Variants in ARHGEF3 observed in about 807,000 individuals in gnomAD.
The protein encoded by ARHGEF3 is Rho guanine nucleotide exchange factor 3, also known as 59.8 kDA protein.
ARHGEF3 carries 28 observed loss-of-function variants against 63.2 expected under a neutral mutation model. That is an observed-to-expected ratio of 0.44 (90% CI 0.33 to 0.61). The LOEUF (loss-of-function observed/expected upper bound fraction) is 0.61, where lower values mean the gene tolerates loss of function less well. ARHGEF3 is among the 20% of genes least tolerant of loss of function. ARHGEF3 has a pLI of 0.03. For synonymous variants in ARHGEF3, 266 were observed against 254.2 expected (o/e 1.05, Z -0.44); for missense variants, 533 against 659.3 (o/e 0.81, Z 2.10).
chr3:57,054,202 A>T (rs1579176066), intron 1 of ARHGEF3, among the ~76,000 whole-genome samples: 2 of 152,204 alleles, frequency 1.3e-5, no homozygotes, highest in East Asian at 3.9e-4. Flanking sequence ...TGGTGGGTAT[A>T]TAGTAGTATC....
intron 1 of ARHGEF3, among the ~76,000 whole-genome samples, chr3:56,779,737 CTT>C (rs1482093387): frequency 6.6e-6 from 1 of 152,234 alleles, no homozygotes; most frequent in Non-Finnish European, 1.5e-5. Flanking sequence ...GATTTTCCCT[CTT>C]GTGTTAATGT....
At chr3:56,890,947 C>T (rs1347777847) in intron 3 of ARHGEF3, among the ~76,000 whole-genome samples, 2 of 152,186 alleles carry the variant, frequency 1.3e-5, no homozygotes, top group South Asian at 2.1e-4. Context: ...TCTTTGCTGG[C>T]AAACAACTTT....
intron 4 of ARHGEF3, among the ~76,000 whole-genome samples, chr3:56,855,534 T>C (rs1172287704): frequency 6.6e-6 from 1 of 151,920 alleles, no homozygotes; most frequent in Non-Finnish European, 1.5e-5. Context: ...AATACAAAAA[T>C]TAGCTGGGCG....
At chr3:56,882,514 T>C (rs1372304845) in intron 3 of ARHGEF3, among the ~76,000 whole-genome samples, 1 of 139,214 alleles carries the variant, frequency 7.2e-6, no homozygotes, top group South Asian at 2.5e-4. Context: ...ACTTCTTTTT[T>C]TTTTTTTTTT....
intron 1 of ARHGEF3, among the ~76,000 whole-genome samples, chr3:56,792,399 C>A (rs1403060978): frequency 6.6e-6 from 1 of 152,138 alleles, no homozygotes; most frequent in African/African-American, 2.4e-5. Context: ...GTCACTGACC[C>A]CTGTGCCAGA....
At position 56,751,422 on chromosome 3, in the gene ARHGEF3, A is replaced by C. The variant is rs1417471770; in HGVS notation, c.439-26T>G. 1.9e-6 allele frequency: 3 copies of C among 1,576,958 alleles called. No homozygotes were observed. In the East Asian group the frequency reaches 6.7e-5, roughly 35 times the overall value. On this transcript the variant is annotated intron_variant, in intron 4 of 9. Transcript: ENST00000296315. ...CTGCACAAAAACGGCAAGAGATGGA[A>C]GCACATGTTTAAAATCAGAGGAAGT...
intron 2 of ARHGEF3, among the ~76,000 whole-genome samples, chr3:56,767,895 C>T (rs1416169493): frequency 6.6e-6 from 1 of 151,808 alleles, no homozygotes; most frequent in East Asian, 2.0e-4. Context: ...AACAGGTATG[C>T]ACCACTACGC....
intron 4 of ARHGEF3, among the ~76,000 whole-genome samples, chr3:56,861,998 C>T (rs987062080): frequency 1.3e-5 from 2 of 151,886 alleles, no homozygotes; most frequent in African/African-American, 4.8e-5. Context: ...CAACAGGATG[C>T]ACTAAAATAA....
At chr3:56,817,798 C>T (rs1461626340) in intron 4 of ARHGEF3, among the ~76,000 whole-genome samples, 6 of 152,174 alleles carry the variant, frequency 3.9e-5, no homozygotes, top group African/African-American at 1.4e-4. Flanking sequence ...ATGGTCTTAA[C>T]CACAAAGCTA....
chr3:57,056,059 A>C (rs761580298), intron 1 of ARHGEF3, among the ~76,000 whole-genome samples: 1 of 152,140 alleles, frequency 6.6e-6, no homozygotes, highest in Non-Finnish European at 1.5e-5. Flanking sequence ...CCCTACTGTC[A>C]CCATGCTCAC....
intron 1 of ARHGEF3, among the ~76,000 whole-genome samples, chr3:56,785,303 T>C (rs529009943): frequency 4.7e-4 from 71 of 152,278 alleles, no homozygotes; most frequent in African/African-American, 1.6e-3. Flanking sequence ...TTCAAGGCTA[T>C]ATTGGAAGAA....
At chr3:57,004,822 T>C (rs981461479) in intron 2 of ARHGEF3, among the ~76,000 whole-genome samples, 3 of 152,148 alleles carry the variant, frequency 2.0e-5, no homozygotes, top group African/African-American at 7.2e-5. Context: ...TAGCCAGGCA[T>C]GGTGCTATAC....
At chr3:57,023,211 A>G (rs1703330337) in intron 2 of ARHGEF3, among the ~76,000 whole-genome samples, 1 of 152,162 alleles carries the variant, frequency 6.6e-6, no homozygotes, top group Admixed American at 6.5e-5. Flanking sequence ...TCCCAGATGC[A>G]CAGAAGGGGC....
At chr3:56,761,333 C>T (rs2035406739) in intron 2 of ARHGEF3, among the ~76,000 whole-genome samples, 1 of 152,034 alleles carries the variant, frequency 6.6e-6, no homozygotes, top group South Asian at 2.1e-4. Context: ...GAACAGGCAA[C>T]TACTACTAGA....
intron 1 of ARHGEF3, among the ~76,000 whole-genome samples, chr3:56,792,757 C>G (rs1578525306): frequency 6.6e-6 from 1 of 152,112 alleles, no homozygotes; most frequent in African/African-American, 2.4e-5. Flanking sequence ...ATACTACGCC[C>G]AAAGATCTGA....
chr3:56,939,984 C>T (rs1206691630), intron 3 of ARHGEF3: 1 of 152,168 alleles, frequency 6.6e-6, no homozygotes, highest in Non-Finnish European at 1.5e-5. Flanking sequence ...CCAAGAGTAT[C>T]CACTTGATCC....
chr3:56,957,834 G>A (rs781713879), intron 3 of ARHGEF3, among the ~76,000 whole-genome samples: 3 of 152,184 alleles, frequency 2.0e-5, no homozygotes, highest in Non-Finnish European at 2.9e-5. Flanking sequence ...AAAGAGCTCA[G>A]AGCATTCTCT....
At chr3:57,078,355 C>T (rs1450694856) in intron 1 of ARHGEF3, among the ~76,000 whole-genome samples, 6 of 152,240 alleles carry the variant, frequency 3.9e-5, no homozygotes, top group African/African-American at 1.4e-4. Context: ...TCGCCCAGTG[C>T]GGGAAGCAAG....
rs964790783 is a variant in ARHGEF3 at position 56,992,492 on chromosome 3, C to G, written c.63-33603G>C. On this transcript the variant is annotated intron_variant, in intron 2 of 12. Coordinates refer to the ARHGEF3 transcript ENST00000338458. ...ACCAACATTATGAACTGACTGTCAA[C>G]TTGAGTCCCTTCTGTCTGCTCCAGA... Among the ~76,000 whole-genome samples the G allele has an allele frequency of 1.7e-3, 247 of 148,184 alleles. 5 individuals are homozygous for G. Among genetic ancestry groups the G allele is most frequent in the Middle Eastern group, 7.0e-3 (2 of 284 alleles).
Sources: gnomAD v4.1 joint callset for allele counts (sites outside exome capture counted in the v4.1 genomes callset) on GRCh38, gnomAD v4.1.1 for gene constraint, MANE v1.5 for transcripts, NCBI Gene and HGNC (gene_info 2026-07-23, HGNC 2026-07-21) for gene names.